The following USP42 variants were observed in gnomAD, a reference collection of about 807,000 sequenced individuals.
USP42 encodes ubiquitin specific peptidase 42, also known as ubiquitin carboxyl-terminal hydrolase 42.
In USP42, 23 loss-of-function variants were observed where a neutral mutation model predicts 113.0. That is an observed-to-expected ratio of 0.20 (90% CI 0.15 to 0.29). USP42 has a LOEUF of 0.29. Among genes scored for constraint, USP42 ranks in the 10% least tolerant of loss-of-function variants. The pLI is 1.00. For missense variants in USP42, 2,174 were observed against 1,779.8 expected, an observed-to-expected ratio of 1.22 and a Z score of -3.99; for synonymous variants, 933 against 699.0, an observed-to-expected ratio of 1.33 and a Z score of -5.28.
chr7:6,140,462 C>G (rs779436653), intron 6 of USP42, among the ~76,000 whole-genome samples: 1 of 152,020 alleles, frequency 6.6e-6, no homozygotes, highest in South Asian at 2.1e-4. Flanking sequence ...TTTCAGCACA[C>G]AGGCCTAACA....
rs149978322 is a variant in USP42, at chr7:6,128,809, T to G, written c.443-7032T>G. Among the ~76,000 whole-genome samples the G allele has an allele frequency of 4.6e-3, 697 of 151,316 alleles. 8 individuals are homozygous for G. Among genetic ancestry groups the G allele is most frequent in the African/African-American group, 0.016 (657 of 40,876 alleles). Reference sequence around the variant, plus strand: ...CAAAATTACATCATTTTGCTTTACTTGAGTCTTTCTTTCTTTTTTGGGGGT... The same window carrying G: ...CAAAATTACATCATTTTGCTTTACTGGAGTCTTTCTTTCTTTTTTGGGGGT... On this transcript the variant is annotated intron_variant, in intron 3 of 17. Coordinates refer to ENST00000306177, the MANE Select transcript of USP42 (RefSeq NM_032172.3).
chr7:6,143,991 G>A, intron 8 of USP42, 94 bp from the exon 9 acceptor site: 3 of 721,912 alleles, frequency 4.2e-6, no homozygotes, highest in South Asian at 2.4e-5. Flanking sequence ...ACCTTAATAT[G>A]TAATGTTTGA....
rs1450760567 is a variant in USP42 at position 6,156,883 on chromosome 7, C to G, written c.3771C>G (p.His1257Gln). ...ACTTTGTTAAAGATTCAGAACTGCA[C>G]TTACCCAGGGTCACCAGCTTGGAGA... ...SEDFVKDSEL[H>Q]LPRVTSLETV... Residue 1257 changes from histidine to glutamine, a missense_variant, in exon 16 of 18, where the codon CAC becomes CAG. By Grantham distance (24) the His-to-Gln change is conservative (BLOSUM62 0). Coordinates refer to ENST00000306177, the MANE Select transcript of USP42 (RefSeq NM_032172.3). The G allele has an allele frequency of 6.2e-6, 10 of 1,613,302 alleles. No homozygotes were observed. The highest frequency in any genetic ancestry group is 8.5e-6 in the Non-Finnish European group (10 of 1,179,752).
At chr7:6,130,173 A>G (rs1347827885) in intron 3 of USP42, among the ~76,000 whole-genome samples, 1 of 152,132 alleles carries the variant, frequency 6.6e-6, no homozygotes, top group East Asian at 1.9e-4. Context: ...GTGTTATCTT[A>G]TAAGACACTG....
intron 3 of USP42, chr7:6,116,942 G>T (rs1246169324): frequency 4.1e-6 from 2 of 486,126 alleles, no homozygotes; most frequent in African/African-American, 2.0e-5. Flanking sequence ...AGAATTAGGT[G>T]CCTATCTTTT....
intron 3 of USP42, among the ~76,000 whole-genome samples, chr7:6,130,632 A>G (rs1424370536): frequency 6.6e-6 from 1 of 152,190 alleles, no homozygotes; most frequent in African/African-American, 2.4e-5. Context: ...GCCTTGCTAC[A>G]GCCTGTTGAG....
At chr7:6,126,559 A>G (rs1205871049) in intron 3 of USP42, among the ~76,000 whole-genome samples, 1 of 152,154 alleles carries the variant, frequency 6.6e-6, no homozygotes, top group Admixed American at 6.5e-5. Context: ...TGCTGGGATT[A>G]CAGGCATGAG....
intron 3 of USP42, among the ~76,000 whole-genome samples, chr7:6,120,277 C>G (rs143544909): frequency 6.6e-6 from 1 of 151,646 alleles, no homozygotes; most frequent in African/African-American, 2.4e-5. Context: ...TTTATTTGCT[C>G]TGTCACTCCA....
chr7:6,101,978 CAGA>C (rs1026653060), upstream of USP42, among the ~76,000 whole-genome samples: 1 of 150,042 alleles, frequency 6.7e-6, no homozygotes, highest in Non-Finnish European at 1.5e-5. Context: ...GTCCCTGAGG[CAGA>C]AGAATTGCTT....
At chr7:6,119,792 C>T (rs1256256560) in intron 3 of USP42, among the ~76,000 whole-genome samples, 1 of 152,054 alleles carries the variant, frequency 6.6e-6, no homozygotes, top group Non-Finnish European at 1.5e-5. Context: ...CAGCCTTGAC[C>T]TCCTTGGCTC....
the USP42 span, among the ~76,000 whole-genome samples, chr7:6,097,880 G>A: frequency 2.8e-5 from 4 of 143,456 alleles, no homozygotes; most frequent in African/African-American, 8.1e-5. Flanking sequence ...GTGAGCCACC[G>A]CGCCCGGCCT....
Position 6,129,677 on chromosome 7 carries a change from A to G in USP42, c.443-6164A>G, listed in dbSNP as rs183165609. ...GGGATTCAAGACCAGCCTGGCCAAC[A>G]TGGTGAAACCCTGTCTCTACTAAAA... On this transcript the variant is annotated intron_variant, in intron 3 of 17. Coordinates refer to ENST00000306177, the MANE Select transcript of USP42 (RefSeq NM_032172.3). Among the ~76,000 whole-genome samples, 30 of 152,178 alleles carry G rather than the reference A, an allele frequency of 2.0e-4. No individual in the cohort carries two copies. In the East Asian group the frequency reaches 5.6e-3, roughly 28 times the overall value.
At chr7:6,082,683 T>C in the USP42 span, among the ~76,000 whole-genome samples, 2 of 135,932 alleles carry the variant, frequency 1.5e-5, no homozygotes, top group African/African-American at 5.6e-5. Context: ...TGATCTTGGC[T>C]CACTGCAACA....
intron 6 of USP42, 68 bp downstream of exon 6, chr7:6,140,263 A>C: frequency 7.2e-7 from 1 of 1,394,622 alleles, no homozygotes. Flanking sequence ...ATAGTAGGAC[A>C]GGGTTAGTCC....
chr7:6,114,679 T>TATATATATATATATATA (rs57984216), intron 2 of USP42, among the ~76,000 whole-genome samples: 7 of 10,926 alleles, frequency 6.4e-4, no homozygotes, highest in African/African-American at 1.5e-3. Context: ...TATATATATA[T>TATATATATATATATATA]TTTTTTTTTT....
Position 6,139,496 on chromosome 7 carries a change from G to T in USP42, c.656+302G>T. The T allele has an allele frequency of 4.0e-6, 1 of 249,520 alleles. No homozygotes were observed. Among genetic ancestry groups the T allele is most frequent in the Non-Finnish European group, 7.6e-6 (1 of 131,440 alleles). 15.5% of individuals were successfully genotyped at this position (249,520 alleles called of 1,614,324 possible). ...GACGTCTGCAGATCTCAAACTAGCT[G>T]CTTCTCCTTTCTAGTTGTGCCTGAC... is the stretch of plus-strand genomic sequence containing the variant. On this transcript the variant is annotated intron_variant, in intron 5 of 17. Coordinates refer to ENST00000306177, the MANE Select transcript of USP42 (RefSeq NM_032172.3). The surrounding 1 kb of genome is among the most constrained non-coding windows in gnomAD (Gnocchi z 4.5).
chr7:6,149,744 T>G lies in USP42; in HGVS notation c.1548T>G (p.His516Gln), dbSNP rs754782928. 34 of 1,613,776 alleles carry G rather than the reference T, an allele frequency of 2.1e-5. No individual in the cohort carries two copies. Among genetic ancestry groups the G allele is most frequent in the Non-Finnish European group, 2.6e-5 (31 of 1,179,884 alleles). ...ATAGGTCCTCAGTGATCCCAGAACA[T>G]CCTAAGAAACAAAAAATTACAATCA... is the stretch of plus-strand genomic sequence containing the variant. ...SVNRSSVIPE[H>Q]PKKQKITISI... The change falls in exon 13 of 18, where the codon CAT becomes CAG. Residue 516 changes from histidine to glutamine, a missense_variant. His to Gln is a conservative substitution (Grantham distance 24, BLOSUM62 0). Transcript: ENST00000306177.
At chr7:6,135,815 T>C (rs767761898) in intron 3 of USP42, 26 bp from the exon 4 acceptor site, 7 of 1,511,220 alleles carry the variant, frequency 4.6e-6, no homozygotes, top group Admixed American at 2.0e-5. Flanking sequence ...TTTTGCTAAT[T>C]TGGAGGATTA....
At chr7:6,113,608 G>T (rs920048241) in intron 2 of USP42, among the ~76,000 whole-genome samples, 17 of 151,304 alleles carry the variant, frequency 1.1e-4, no homozygotes, top group African/African-American at 3.4e-4. Flanking sequence ...CAGCCTTTTG[G>T]TTTTTTTTGT....
Sources: allele counts gnomAD v4.1 joint callset (sites outside exome capture counted in the v4.1 genomes callset), GRCh38; gene constraint gnomAD v4.1.1; non-coding constraint Gnocchi (gnomAD v3.1); transcripts MANE v1.5; gene names NCBI Gene and HGNC (gene_info 2026-07-23, HGNC 2026-07-21).